The following CHODL variants were observed in gnomAD, a reference collection of about 807,000 sequenced individuals.
CHODL encodes transmembrane protein MT75.
In CHODL, 29 loss-of-function variants were observed where a neutral mutation model predicts 34.5. The ratio of observed to expected loss-of-function variants is 0.84; its 90% CI spans 0.63 to 1.15. CHODL has a LOEUF of 1.15. CHODL is among the 50% of genes most tolerant of loss of function. The probability of loss-of-function intolerance (pLI) is 0.00; values close to 1 mark genes in which losing one functional copy is unlikely to be tolerated. For missense variants in CHODL, 332 were observed against 332.5 expected, an observed-to-expected ratio of 1.00 and a Z score of 0.01; for synonymous variants, 125 against 116.1, an observed-to-expected ratio of 1.08 and a Z score of -0.49.
At chr21:18,026,607 T>C (rs1408773799) in intron 1 of CHODL, among the ~76,000 whole-genome samples, 1 of 152,224 alleles carries the variant, frequency 6.6e-6, no homozygotes, top group Non-Finnish European at 1.5e-5. Context: ...GGGAGAGTTA[T>C]AACAAATGTG....
At chr21:18,011,547 AAG>A (rs2064020131) in intron 1 of CHODL, among the ~76,000 whole-genome samples, 1 of 152,208 alleles carries the variant, frequency 6.6e-6, no homozygotes, top group Non-Finnish European at 1.5e-5. Flanking sequence ...CTATAACAAA[AAG>A]AGAGGAAATG....
At chr21:17,959,860 G>A (rs1177951283) in intron 1 of CHODL, among the ~76,000 whole-genome samples, 4 of 152,076 alleles carry the variant, frequency 2.6e-5, no homozygotes, top group Non-Finnish European at 4.4e-5. Flanking sequence ...AATACACTCA[G>A]TGTAATTATA....
chr21:18,024,914 T>C (rs1201723711), intron 1 of CHODL, among the ~76,000 whole-genome samples: 1 of 152,328 alleles, frequency 6.6e-6, no homozygotes, highest in East Asian at 1.9e-4. Flanking sequence ...GCCAGAACTA[T>C]TTGCATTTAC....
At chr21:18,211,108 A>G (rs2073768970) in intron 2 of CHODL, among the ~76,000 whole-genome samples, 2 of 149,898 alleles carry the variant, frequency 1.3e-5, no homozygotes, top group Non-Finnish European at 1.5e-5. Context: ...TTAAATATTT[A>G]TATATTTTAT....
chr21:18,179,439 G>A (rs78711553), intron 2 of CHODL, among the ~76,000 whole-genome samples: 9,695 of 152,268 alleles, frequency 0.064, 473 homozygotes, highest in East Asian at 0.22. Flanking sequence ...ACCTAAGCCA[G>A]TTACGGCTCT....
chr21:18,115,945 A>G (rs1232158743), intron 2 of CHODL, among the ~76,000 whole-genome samples: 1 of 151,952 alleles, frequency 6.6e-6, no homozygotes, highest in East Asian at 1.9e-4. Context: ...GTTCAGTGGC[A>G]TTGGATTTTT....
At chr21:18,257,380 A>G (rs1225143811) in intron 3 of CHODL, among the ~76,000 whole-genome samples, 2 of 152,230 alleles carry the variant, frequency 1.3e-5, no homozygotes, top group African/African-American at 4.8e-5. Context: ...ATCATTTCTT[A>G]CAATAAAACC....
intron 2 of CHODL, among the ~76,000 whole-genome samples, chr21:18,167,935 C>T (rs1275433998): frequency 6.6e-6 from 1 of 152,180 alleles, no homozygotes; most frequent in Non-Finnish European, 1.5e-5. Flanking sequence ...TCAATCTGGG[C>T]AGGCACCATC....
chr21:17,983,006 T>C (rs889882918), intron 1 of CHODL, among the ~76,000 whole-genome samples: 14 of 152,066 alleles, frequency 9.2e-5, no homozygotes, highest in African/African-American at 3.4e-4. Flanking sequence ...ATTATAGGTG[T>C]GAGCCACCGC....
At chr21:18,003,087 G>A (rs1296378238) in intron 1 of CHODL, among the ~76,000 whole-genome samples, 1 of 147,698 alleles carries the variant, frequency 6.8e-6, no homozygotes, top group Non-Finnish European at 1.5e-5. Context: ...TCGCGCCACT[G>A]CACTCCAGCC....
intron 1 of CHODL, among the ~76,000 whole-genome samples, chr21:17,994,340 T>A (rs2146391849): frequency 6.6e-6 from 1 of 152,286 alleles, no homozygotes; most frequent in Admixed American, 6.5e-5. Flanking sequence ...GGTGTGTATG[T>A]CTTCAGTAAT....
intron 1 of CHODL, among the ~76,000 whole-genome samples, chr21:17,978,780 C>CTCTTAATGG (rs1031560155): frequency 9.9e-5 from 15 of 151,380 alleles, no homozygotes; most frequent in Non-Finnish European, 1.8e-4. Context: ...AACCTCTGGA[C>CTCTTAATGG]TCTTAATGGG....
At chr21:17,957,827 A>T (rs1476058123) in intron 1 of CHODL, among the ~76,000 whole-genome samples, 1 of 151,888 alleles carries the variant, frequency 6.6e-6, no homozygotes, top group Non-Finnish European at 1.5e-5. Context: ...AATATTGTTT[A>T]TAAAGAAAAT....
chr21:18,112,655 A>G (rs1442122712), intron 2 of CHODL, among the ~76,000 whole-genome samples: 1 of 152,184 alleles, frequency 6.6e-6, no homozygotes, highest in Non-Finnish European at 1.5e-5. Flanking sequence ...CCAAGAACAT[A>G]CATTGGGGAA....
intron 2 of CHODL, among the ~76,000 whole-genome samples, chr21:18,079,284 G>T (rs1459730751): frequency 6.6e-6 from 1 of 151,230 alleles, no homozygotes; most frequent in African/African-American, 2.4e-5. Context: ...CAACTTTGTT[G>T]CTGCAAAAAC....
chr21:18,184,182 G>C (rs536248772), intron 2 of CHODL, among the ~76,000 whole-genome samples: 2 of 152,216 alleles, frequency 1.3e-5, no homozygotes, highest in African/African-American at 4.8e-5. Context: ...TGATGATTTG[G>C]GGAAGAAAAG....
chr21:18,166,750 T>G (rs1195618908), intron 2 of CHODL, among the ~76,000 whole-genome samples: 1 of 152,188 alleles, frequency 6.6e-6, no homozygotes, highest in Non-Finnish European at 1.5e-5. Flanking sequence ...TGAATTCTTT[T>G]GTACTATAAT....
At chr21:17,967,369 A>T (rs559664130) in intron 1 of CHODL, among the ~76,000 whole-genome samples, 1 of 152,308 alleles carries the variant, frequency 6.6e-6, no homozygotes, top group South Asian at 2.1e-4. Context: ...GGAGAATCAT[A>T]TCCTTTTACT....
At chr21:18,127,531 A>T (rs574419698) in intron 2 of CHODL, among the ~76,000 whole-genome samples, 12 of 152,188 alleles carry the variant, frequency 7.9e-5, no homozygotes, top group Non-Finnish European at 1.6e-4. Context: ...AAGATGGGGC[A>T]ACTTACACAT....
Sources: gnomAD v4.1 joint callset for allele counts (sites outside exome capture counted in the v4.1 genomes callset) on GRCh38, gnomAD v4.1.1 for gene constraint, MANE v1.5 for transcripts, NCBI Gene and HGNC (gene_info 2026-07-23, HGNC 2026-07-21) for gene names.